ATXN7L1: variants seen among roughly 807,000 people sequenced by gnomAD.
The protein encoded by ATXN7L1 is ataxin-7-like protein 1.
ATXN7L1 carries 15 observed loss-of-function variants against 70.8 expected under a neutral mutation model. The observed-to-expected ratio is 0.21, with a 90% CI of 0.14 to 0.33. The LOEUF (loss-of-function observed/expected upper bound fraction) is 0.33, where lower values mean the gene tolerates loss of function less well. Among genes scored for constraint, ATXN7L1 ranks in the 10% least tolerant of loss-of-function variants. The pLI is 1.00. For synonymous variants in ATXN7L1, 440 were observed against 445.1 expected (o/e 0.99, Z 0.14); for missense variants, 975 against 1,097.1 (o/e 0.89, Z 1.57).
chr7:105,664,603 C>T (rs1478803654), intron 4 of ATXN7L1, among the ~76,000 whole-genome samples: 1 of 130,506 alleles, frequency 7.7e-6, no homozygotes, highest in East Asian at 2.8e-4. Context: ...GACAGAGTTT[C>T]ACTGTCACCC....
intron 2 of ATXN7L1, among the ~76,000 whole-genome samples, chr7:105,862,722 CA>C (rs1268862692): frequency 6.6e-6 from 1 of 152,106 alleles, no homozygotes; most frequent in Non-Finnish European, 1.5e-5. Flanking sequence ...GAGAGAGAGA[CA>C]GGGGGGTGAC....
chr7:105,744,639 G>C (rs1798368599), intron 3 of ATXN7L1, among the ~76,000 whole-genome samples: 1 of 151,030 alleles, frequency 6.6e-6, no homozygotes, highest in Non-Finnish European at 1.5e-5. Context: ...TCCAAGACTT[G>C]TAATCTTTAA....
rs594181 is a variant in ATXN7L1, at chr7:105,770,057, A to G, written c.355+18547T>C. On this transcript the variant is annotated intron_variant, in intron 3 of 11. Transcript: ENST00000419735. ...GCTTCACCAGAAACACGTGCACTGCAGAATTGCTGCCTGGATCAAGATCTG... is the reference window on the plus strand; with the variant it reads ...GCTTCACCAGAAACACGTGCACTGCGGAATTGCTGCCTGGATCAAGATCTG... 3.7e-4 allele frequency among the ~76,000 whole-genome samples: 57 copies of G among 152,374 alleles called. 2 individuals are homozygous for G. In the East Asian group the frequency reaches 9.4e-3, roughly 25 times the overall value.
rs1429521269 is a variant in ATXN7L1 at position 105,802,203 on chromosome 7, C to T, written c.251-13495G>A. 3.3e-5 allele frequency among the ~76,000 whole-genome samples: 5 copies of T among 152,156 alleles called. 1 individual carries two copies. On this transcript the variant is annotated intron_variant, in intron 2 of 11. Coordinates refer to ENST00000419735, the MANE Select transcript of ATXN7L1 (RefSeq NM_020725.2). ...AGGCATAGACGCTTCAGGGTCAATC[C>T]TTCATCACCATTAGAAAAGCAACCT...
intron 4 of ATXN7L1, among the ~76,000 whole-genome samples, chr7:105,664,575 G>GTGTATGTGTGTATATATATATATATA: frequency 5.3e-5 from 7 of 131,986 alleles, no homozygotes; most frequent in African/African-American, 2.0e-4. Flanking sequence ...GTATGTGTGT[G>GTGTATGTGTGTATATATATATATATA]TATATATATA....
intron 10 of ATXN7L1, among the ~76,000 whole-genome samples, chr7:105,610,914 C>T (rs984716382): frequency 5.9e-5 from 9 of 152,206 alleles, no homozygotes; most frequent in African/African-American, 1.9e-4. Flanking sequence ...CCTGGCCCCT[C>T]CTGGGAGCTT....
intron 4 of ATXN7L1, among the ~76,000 whole-genome samples, chr7:105,658,745 G>T (rs1320324996): frequency 6.6e-6 from 1 of 152,032 alleles, no homozygotes; most frequent in Non-Finnish European, 1.5e-5. Flanking sequence ...TGTTGGCTAG[G>T]CTGGTCTCGA....
chr7:105,722,737 T>C (rs1035328180), intron 3 of ATXN7L1, among the ~76,000 whole-genome samples: 5 of 150,406 alleles, frequency 3.3e-5, no homozygotes, highest in African/African-American at 1.2e-4. Flanking sequence ...ACAAAAAAAT[T>C]AGCTGGGCGT....
chr7:105,845,476 T>C (rs1055260438), intron 2 of ATXN7L1, among the ~76,000 whole-genome samples: 2 of 151,112 alleles, frequency 1.3e-5, no homozygotes, highest in African/African-American at 4.9e-5. Context: ...TTCTCTAAAC[T>C]GATCTACAGA....
At chr7:105,687,239 G>T (rs1404329462) in intron 3 of ATXN7L1, among the ~76,000 whole-genome samples, 3 of 152,216 alleles carry the variant, frequency 2.0e-5, no homozygotes, top group African/African-American at 7.2e-5. Context: ...CCCCATGGAG[G>T]TTCCTGCAAT....
intron 10 of ATXN7L1, among the ~76,000 whole-genome samples, chr7:105,612,633 C>T (rs919028965): frequency 3.9e-5 from 6 of 152,270 alleles, no homozygotes; most frequent in African/African-American, 9.6e-5. Context: ...CACCCCTGGC[C>T]ATGGGGAGTC....
At position 105,773,931 on chromosome 7, in the gene ATXN7L1, G is replaced by A. The variant is rs118184495; in HGVS notation, c.355+14673C>T. Among the ~76,000 whole-genome samples the A allele has an allele frequency of 9.9e-5, 15 of 152,216 alleles. No homozygotes were observed. In the East Asian group the frequency reaches 1.5e-3, roughly 16 times the overall value. On this transcript the variant is annotated intron_variant, in intron 3 of 11. Transcript: ENST00000419735. ...TTCTTCAGCCTGCATGTGGGGCACC[G>A]GGGAGGGCAAAAAGTCCAGTGGTTT...
chr7:105,811,586 G>C (rs1056480976), intron 2 of ATXN7L1, among the ~76,000 whole-genome samples: 1 of 152,166 alleles, frequency 6.6e-6, no homozygotes, highest in Non-Finnish European at 1.5e-5. Flanking sequence ...CAGGAGAAAA[G>C]CCCAGGCTGC....
chr7:105,693,827 T>C (rs1196452697), intron 3 of ATXN7L1, among the ~76,000 whole-genome samples: 1 of 152,096 alleles, frequency 6.6e-6, no homozygotes, highest in East Asian at 1.9e-4. Context: ...CAACTATATA[T>C]AGAAATTGTT....
intron 3 of ATXN7L1, among the ~76,000 whole-genome samples, chr7:105,681,090 C>T (rs1448661921): frequency 3.3e-5 from 5 of 152,124 alleles, no homozygotes; most frequent in Non-Finnish European, 5.9e-5. Context: ...AGTTTAGAAC[C>T]GTAACTCTAA....
chr7:105,798,040 T>C (rs992078412), intron 2 of ATXN7L1, among the ~76,000 whole-genome samples: 7 of 152,256 alleles, frequency 4.6e-5, no homozygotes, highest in Admixed American at 2.0e-4. Context: ...TAAATGATAA[T>C]AAATTGCCCT....
At chr7:105,763,397 C>T (rs763530074) in intron 3 of ATXN7L1, among the ~76,000 whole-genome samples, 24 of 152,204 alleles carry the variant, frequency 1.6e-4, no homozygotes, top group Non-Finnish European at 5.9e-5. Context: ...TTTGCAATTC[C>T]ACTCTTGCCT....
chr7:105,710,690 C>T (rs980773285), intron 3 of ATXN7L1, among the ~76,000 whole-genome samples: 2 of 152,158 alleles, frequency 1.3e-5, no homozygotes, highest in Admixed American at 1.3e-4. Flanking sequence ...GGATTGCAGG[C>T]ATGAGCCACC....
intron 2 of ATXN7L1, among the ~76,000 whole-genome samples, chr7:105,854,695 A>G (rs1350733121): frequency 1.3e-5 from 2 of 152,154 alleles, no homozygotes; most frequent in Non-Finnish European, 2.9e-5. Context: ...CTGCTGCTTA[A>G]TAGTGACAGC....
Sources: gnomAD v4.1 joint callset for allele counts (sites outside exome capture counted in the v4.1 genomes callset) on GRCh38, gnomAD v4.1.1 for gene constraint, MANE v1.5 for transcripts, NCBI Gene and HGNC (gene_info 2026-07-23, HGNC 2026-07-21) for gene names.